Variants in BACH1 observed in about 807,000 individuals in gnomAD.
The protein encoded by BACH1 is BTB domain and CNC homolog 1.
A neutral mutation model predicts 52.9 loss-of-function variants in BACH1; 35 were observed. The observed-to-expected ratio is 0.66, with a 90% CI of 0.51 to 0.88. The LOEUF is 0.88. Ranked by LOEUF, BACH1 falls within the 40% of genes least tolerant of loss-of-function variation. The pLI, the probability that BACH1 is intolerant of heterozygous loss-of-function variation, is 0.00. For synonymous variants in BACH1, 321 were observed against 319.6 expected (o/e 1.00, Z -0.05); for missense variants, 808 against 872.6 (o/e 0.93, Z 0.93).
downstream of BACH1, among the ~76,000 whole-genome samples, chr21:29,347,937 T>C (rs2089179485): frequency 6.6e-6 from 1 of 152,120 alleles, no homozygotes; most frequent in African/African-American, 2.4e-5. Flanking sequence ...CATAATGATA[T>C]CCAAATTTGA....
intron 1 of BACH1, chr21:29,299,346 A>G (rs1435644066): frequency 1.3e-5 from 2 of 149,220 alleles, no homozygotes; most frequent in Non-Finnish European, 3.0e-5. Flanking sequence ...GCTGTGACAC[A>G]TCAGCACCGC....
chr21:29,352,426 C>T (rs2089208321), intron 2 of BACH1, among the ~76,000 whole-genome samples: 1 of 152,200 alleles, frequency 6.6e-6, no homozygotes, highest in Non-Finnish European at 1.5e-5. Flanking sequence ...TAATGTCTCT[C>T]AGATAGAATT....
downstream of BACH1, among the ~76,000 whole-genome samples, chr21:29,346,909 G>T (rs985786657): frequency 4.6e-5 from 7 of 152,174 alleles, no homozygotes; most frequent in African/African-American, 1.7e-4. Context: ...TAAGCCTGGC[G>T]TGTTAAAGGA....
At chr21:29,318,904 T>C (rs1282899943) in intron 1 of BACH1, among the ~76,000 whole-genome samples, 1 of 152,084 alleles carries the variant, frequency 6.6e-6, no homozygotes, top group African/African-American at 2.4e-5. Context: ...CATATCCAGC[T>C]CCCCACATTG....
intron 3 of BACH1, among the ~76,000 whole-genome samples, chr21:29,328,089 T>G (rs1300410026): frequency 2.0e-5 from 3 of 152,240 alleles, no homozygotes; most frequent in African/African-American, 7.2e-5. Context: ...CCTCTAGACC[T>G]GGGACATGTC....
intron 4 of BACH1, among the ~76,000 whole-genome samples, chr21:29,339,901 G>T (rs1382903590): frequency 6.6e-6 from 1 of 152,178 alleles, no homozygotes; most frequent in African/African-American, 2.4e-5. Flanking sequence ...CTCCCAAAGT[G>T]CTGGGATTAC....
In BACH1 at chr21:29,355,555, GT is replaced by G. The variant is rs565028451; in HGVS notation, c.472+25863del. Among the ~76,000 whole-genome samples, 54 of 152,322 alleles carry G rather than the reference GT, an allele frequency of 3.5e-4. No individual in the cohort carries two copies. In the South Asian group the frequency reaches 0.011, roughly 30 times the overall value. On this transcript the variant is annotated intron_variant, in intron 2 of 4. Transcript: ENST00000422809. ...TCCTGCTGGATAGAGGCAAAGAAGG[GT>G]CCCTGCAGTTGCAGTGTCTTCCAGA... is the stretch of plus-strand genomic sequence containing the variant.
At chr21:29,311,466 G>A (rs991870852) in intron 1 of BACH1, among the ~76,000 whole-genome samples, 2 of 136,764 alleles carry the variant, frequency 1.5e-5, no homozygotes, top group African/African-American at 5.6e-5. Context: ...CTTATCTGCT[G>A]CACCTCACCC....
intron 2 of BACH1, among the ~76,000 whole-genome samples, chr21:29,323,888 A>G (rs1384621982): frequency 1.3e-5 from 2 of 152,132 alleles, no homozygotes; most frequent in Non-Finnish European, 2.9e-5. Flanking sequence ...TGCTTGTACT[A>G]GCATGTGTGT....
At chr21:29,323,874 A>G (rs541369452) in intron 2 of BACH1, among the ~76,000 whole-genome samples, 51 of 152,118 alleles carry the variant, frequency 3.4e-4, no homozygotes, top group South Asian at 2.5e-3. Flanking sequence ...GATTGCCACA[A>G]TTTTGCTTGT....
At chr21:29,354,014 T>A (rs898894760) in intron 2 of BACH1, among the ~76,000 whole-genome samples, 1 of 152,116 alleles carries the variant, frequency 6.6e-6, no homozygotes, top group African/African-American at 2.4e-5. Flanking sequence ...ATCTGAGATT[T>A]ACCCTCAGGT....
chr21:29,341,510 C>T (rs1159331496), intron 4 of BACH1, among the ~76,000 whole-genome samples: 7 of 152,148 alleles, frequency 4.6e-5, no homozygotes, highest in Non-Finnish European at 1.0e-4. Context: ...ATAGAAAAGA[C>T]ATGCTGTCAG....
intron 4 of BACH1, among the ~76,000 whole-genome samples, chr21:29,331,135 T>C (rs1028759607): frequency 2.6e-5 from 4 of 152,208 alleles, no homozygotes; most frequent in African/African-American, 9.7e-5. Flanking sequence ...AACCCTTACC[T>C]GCCTTTAGAA....
intron 1 of BACH1, among the ~76,000 whole-genome samples, chr21:29,307,455 G>A (rs1188109882): frequency 6.6e-6 from 1 of 151,902 alleles, no homozygotes; most frequent in East Asian, 1.9e-4. Context: ...TACTCTCTTA[G>A]CAATTTTGAA....
intron 1 of BACH1, among the ~76,000 whole-genome samples, chr21:29,306,362 C>CTT (rs756535922): frequency 6.3e-5 from 9 of 141,900 alleles, no homozygotes; most frequent in African/African-American, 1.5e-4. Context: ...AGAAGACACA[C>CTT]TTTTTTTTTT....
intron 1 of BACH1, among the ~76,000 whole-genome samples, chr21:29,307,237 A>T (rs752505266): frequency 3.9e-5 from 6 of 152,246 alleles, no homozygotes; most frequent in Non-Finnish European, 7.3e-5. Flanking sequence ...TCGAAGGGAA[A>T]GCTGTCCCGT....
chr21:29,325,115 A>G (rs766384184), intron 2 of BACH1, among the ~76,000 whole-genome samples: 1 of 152,254 alleles, frequency 6.6e-6, no homozygotes, highest in Non-Finnish European at 1.5e-5. Flanking sequence ...CTGTAGTCCC[A>G]GCTGCTCGGG....
intron 1 of BACH1, among the ~76,000 whole-genome samples, chr21:29,309,096 A>G (rs2088691038): frequency 6.6e-6 from 1 of 152,112 alleles, no homozygotes; most frequent in African/African-American, 2.4e-5. Flanking sequence ...TGTCTCTACT[A>G]AAAATATGAA....
chr21:29,348,450 C>A (rs2089183221), downstream of BACH1, among the ~76,000 whole-genome samples: 1 of 151,454 alleles, frequency 6.6e-6, no homozygotes, highest in Non-Finnish European at 1.5e-5. Context: ...CATAGTAGAA[C>A]CTCAATAGTA....
Sources: allele counts gnomAD v4.1 joint callset (sites outside exome capture counted in the v4.1 genomes callset), GRCh38; gene constraint gnomAD v4.1.1; transcripts MANE v1.5; gene names NCBI Gene and HGNC (gene_info 2026-07-23, HGNC 2026-07-21).